The following TMEM114 variants were observed in gnomAD, a reference collection of about 807,000 sequenced individuals.
The protein encoded by TMEM114 is claudin-26.
TMEM114 carries 6 observed loss-of-function variants against 6.2 expected under a neutral mutation model. The ratio of observed to expected loss-of-function variants is 0.97; its 90% CI spans 0.53 to 1.91. TMEM114 has a LOEUF of 1.91. Among genes scored for constraint, TMEM114 ranks in the 40% most tolerant of loss-of-function variants. The pLI, the probability that TMEM114 is intolerant of heterozygous loss-of-function variation, is 0.01. For synonymous variants in TMEM114, 104 were observed against 73.0 expected (o/e 1.42, Z -2.16); for missense variants, 218 against 158.3 (o/e 1.38, Z -2.02).
intron 2 of TMEM114, among the ~76,000 whole-genome samples, chr16:8,580,275 C>G (rs1902091053): frequency 6.6e-6 from 1 of 152,082 alleles, no homozygotes; most frequent in South Asian, 2.1e-4. Context: ...TCACTCGAGG[C>G]CAGGAGTTTG....
chr16:8,539,509 G>A (rs1415097951), intron 2 of TMEM114, among the ~76,000 whole-genome samples: 3 of 152,074 alleles, frequency 2.0e-5, no homozygotes, highest in East Asian at 1.9e-4. Context: ...CTTCCCTGCA[G>A]GCTCACACCA....
In TMEM114 at chr16:8,572,317, G is replaced by A; in HGVS notation, c.302-93C>T. ...ACTTCCCGAGCACCTACTAGAGCTG[G>A]GGAAAATCCACACTGTCACTGCCCC... On this transcript the variant is annotated intron_variant, in intron 2 of 3. Coordinates refer to ENST00000620492, the MANE Select transcript of TMEM114 (RefSeq NM_001146336.2). The A allele has an allele frequency of 2.1e-6, 3 of 1,417,350 alleles. 1 individual carries two copies. The highest frequency in any genetic ancestry group is 9.7e-7 in the Non-Finnish European group (1 of 1,027,840). The allele number at this position is 1,417,350 out of a possible 1,614,324, so 87.8% of individuals were successfully genotyped here.
At chr16:8,553,400 G>C (rs1285602827) in intron 2 of TMEM114, among the ~76,000 whole-genome samples, 1 of 152,154 alleles carries the variant, frequency 6.6e-6, no homozygotes, top group East Asian at 1.9e-4. Context: ...TCAAGGACTT[G>C]AATCTTTTTT....
At chr16:8,547,394 TTC>T (rs749002822) in intron 2 of TMEM114, among the ~76,000 whole-genome samples, 1,748 of 124,420 alleles carry the variant, frequency 0.014, 35 homozygotes, top group African/African-American at 0.048. Flanking sequence ...CTTTCTTTCT[TTC>T]TTTTTTTTTT....
chr16:8,577,979 G>A (rs1901999769), intron 2 of TMEM114, among the ~76,000 whole-genome samples: 1 of 152,156 alleles, frequency 6.6e-6, no homozygotes, highest in Admixed American at 6.5e-5. Context: ...CCTAGGGCCT[G>A]GGGACACCTC....
chr16:8,553,101 C>T lies in TMEM114; in HGVS notation n.213-15275G>A, dbSNP rs149509888. On this transcript the variant is annotated intron_variant and non_coding_transcript_variant, in intron 2 of 2. Transcript: ENST00000623677. Reference sequence around the variant, plus strand: ...CCTTTGTTGCTCACCCTTTGCTTGGCGAAGAGGCCAGGATGGAGATGACAG... The same window carrying T: ...CCTTTGTTGCTCACCCTTTGCTTGGTGAAGAGGCCAGGATGGAGATGACAG... 6.7e-4 allele frequency among the ~76,000 whole-genome samples: 102 copies of T among 152,268 alleles called. No individual in the cohort carries two copies. In the East Asian group the frequency reaches 0.017, roughly 26 times the overall value.
chr16:8,586,322 C>A (rs567336696), intron 2 of TMEM114, among the ~76,000 whole-genome samples: 1 of 152,006 alleles, frequency 6.6e-6, no homozygotes, highest in Admixed American at 6.6e-5. Context: ...CATTTTTATT[C>A]CCTCTCATGG....
chr16:8,540,617 T>C (rs1489437633), intron 2 of TMEM114, among the ~76,000 whole-genome samples: 4 of 140,156 alleles, frequency 2.9e-5, no homozygotes, highest in Non-Finnish European at 6.0e-5. Flanking sequence ...TGAAGTAGAA[T>C]TCAATTCATT....
At chr16:8,589,481 CT>C in intron 1 of TMEM114, 137 bp downstream of exon 1, 1 of 398,052 alleles carries the variant, frequency 2.5e-6, no homozygotes, top group Non-Finnish European at 4.4e-6. Flanking sequence ...TTCTGCTCAC[CT>C]TCCCCCCGAG....
At chr16:8,542,214 T>G (rs1325157593) in intron 2 of TMEM114, among the ~76,000 whole-genome samples, 1 of 152,164 alleles carries the variant, frequency 6.6e-6, no homozygotes, top group Admixed American at 6.5e-5. Context: ...AGATTTCTCC[T>G]GCTTCAGACT....
downstream of TMEM114, among the ~76,000 whole-genome samples, chr16:8,569,045 G>A (rs997051143): frequency 6.6e-6 from 1 of 152,336 alleles, no homozygotes; most frequent in East Asian, 1.9e-4. Flanking sequence ...CACCCTGGGG[G>A]TGGCATCAGC....
At chr16:8,545,757 T>A (rs75845233) in intron 2 of TMEM114, among the ~76,000 whole-genome samples, 24,179 of 152,204 alleles carry the variant, frequency 0.16, 2,049 homozygotes, top group South Asian at 0.23. Flanking sequence ...ACCATTTCAT[T>A]TATGGTTTCA....
chr16:8,588,144 C>T (rs1256525022), intron 2 of TMEM114, among the ~76,000 whole-genome samples: 9 of 151,702 alleles, frequency 5.9e-5, no homozygotes, highest in Non-Finnish European at 5.9e-5. Context: ...AAAATTAGCC[C>T]GACGTGGAGG....
chr16:8,531,772 G>A, the TMEM114 span, among the ~76,000 whole-genome samples: 16 of 152,218 alleles, frequency 1.1e-4, no homozygotes, highest in Admixed American at 9.8e-4. Context: ...CAATGTAACA[G>A]TCAACCGAAT....
At chr16:8,575,136 T>C (rs995944026) in intron 2 of TMEM114, among the ~76,000 whole-genome samples, 1 of 152,052 alleles carries the variant, frequency 6.6e-6, no homozygotes, top group Non-Finnish European at 1.5e-5. Context: ...AGTTTCAGAG[T>C]GAGGGGTTAC....
At chr16:8,528,186 C>G in the TMEM114 span, among the ~76,000 whole-genome samples, 21 of 152,160 alleles carry the variant, frequency 1.4e-4, no homozygotes, top group African/African-American at 5.1e-4. Flanking sequence ...CAGGTTTGAG[C>G]CACCATGCCA....
rs1246607842 is a variant in TMEM114 at position 8,569,904 on chromosome 16, C to T, written c.541G>A (p.Val181Met). 5 of 1,551,136 alleles carry T rather than the reference C, an allele frequency of 3.2e-6. No homozygotes were observed. Among genetic ancestry groups the T allele is most frequent in the Admixed American group, 2.0e-5 (1 of 50,992 alleles). ...LLEEKALLDQ[V>M]DISFGWSLAL... Reference sequence around the variant, plus strand: ...AGGGACCAGCCGAAGCTGATGTCCACCTGGTCCAGGAGGGCCTTCTCCTCC... The same window carrying T: ...AGGGACCAGCCGAAGCTGATGTCCATCTGGTCCAGGAGGGCCTTCTCCTCC... Residue 181 changes from valine to methionine, a missense_variant, in exon 4 of 4, where the codon GTG (valine) becomes ATG (methionine). Physicochemically the swap from Val to Met is conservative, Grantham distance 21 (BLOSUM62 1). Coordinates refer to ENST00000620492, the MANE Select transcript of TMEM114 (RefSeq NM_001146336.2).
Position 8,569,915 on chromosome 16 carries a change from A to G in TMEM114, c.530T>C (p.Leu177Pro). The change falls in exon 4 of 4, where the codon CTC becomes CCC. Residue 177 changes from leucine (L) to proline (P), a missense_variant. By Grantham distance (98) the Leu-to-Pro change is moderately conservative (BLOSUM62 -3). Transcript: ENST00000620492. ...GAAGCTGATGTCCACCTGGTCCAGG[A>G]GGGCCTTCTCCTCCAAGAGACACAG... ...EALCLLEEKA[L>P]LDQVDISFGW... 1 of 1,551,226 alleles carries G rather than the reference A, an allele frequency of 6.4e-7. No homozygotes were observed. The highest frequency in any genetic ancestry group is 2.4e-5 in the East Asian group (1 of 40,912).
At chr16:8,553,259 T>C (rs1486480104) in intron 2 of TMEM114, among the ~76,000 whole-genome samples, 1 of 152,228 alleles carries the variant, frequency 6.6e-6, no homozygotes, top group Non-Finnish European at 1.5e-5. Flanking sequence ...ATGGGCATTC[T>C]TTCATATCAC....
Sources: gnomAD v4.1 joint callset for allele counts (sites outside exome capture counted in the v4.1 genomes callset) on GRCh38, gnomAD v4.1.1 for gene constraint, MANE v1.5 for transcripts, NCBI Gene and HGNC (gene_info 2026-07-23, HGNC 2026-07-21) for gene names.